Variants in PNLIP observed in about 807,000 individuals in gnomAD.
PNLIP encodes the protein pancreatic lipase.
PNLIP carries 49 observed loss-of-function variants against 57.1 expected under a neutral mutation model. The observed-to-expected ratio is 0.86, with a 90% confidence interval of 0.68 to 1.09. The LOEUF (loss-of-function observed/expected upper bound fraction) is 1.09. PNLIP is among the 50% of genes least tolerant of loss of function. PNLIP has a pLI of 0.00. For missense variants in PNLIP, 503 were observed against 570.2 expected (o/e 0.88, Z 1.20); for synonymous variants, 209 against 200.4 (o/e 1.04, Z -0.36).
chr10:116,548,849 T>C (rs1325476675), intron 4 of PNLIP, among the ~76,000 whole-genome samples: 1 of 152,266 alleles, frequency 6.6e-6, no homozygotes, highest in Admixed American at 6.5e-5. Context: ...GGTCTCATTT[T>C]GCCTGAATGA....
At chr10:116,554,625 C>A (rs1423641731) in intron 6 of PNLIP, among the ~76,000 whole-genome samples, 2 of 152,160 alleles carry the variant, frequency 1.3e-5, no homozygotes, top group African/African-American at 4.8e-5. Flanking sequence ...TGTGTTCAAC[C>A]TTTTTGTCTC....
rs777793881 is a variant in PNLIP, at chr10:116,556,005, C to T, written c.817C>T (p.Arg273Ter). 16 of 1,600,820 alleles carry T rather than the reference C, an allele frequency of 1.0e-5. No homozygotes were observed. Among genetic ancestry groups the T allele is most frequent in the South Asian group, 3.3e-5 (3 of 90,644 alleles). ...VDIDGIWEGT[R>*]DFAACNHLRS... ...TAATTGTGTCTGATTCAAAGGGACT[C>T]GAGACTTTGCGGCCTGTAATCACTT... The change falls in exon 9 of 13, where the codon CGA (arginine) becomes TGA (stop). Residue 273 changes from arginine (R) to a stop codon, truncating the protein, a stop_gained. Transcript: ENST00000369221. LOFTEE classifies it high-confidence loss of function.
chr10:116,567,703 G>C (rs763271131), intron 12 of PNLIP, 32 bp from the exon 13 acceptor site: 1 of 1,579,594 alleles, frequency 6.3e-7, no homozygotes, highest in African/African-American at 1.3e-5. Flanking sequence ...GCCAGGAAGA[G>C]GAGGTGACTT....
intron 12 of PNLIP, among the ~76,000 whole-genome samples, chr10:116,562,182 A>G (rs1327689598): frequency 6.6e-6 from 1 of 152,136 alleles, no homozygotes; most frequent in African/African-American, 2.4e-5. Flanking sequence ...CCAATACTAG[A>G]CCAAGTATTT....
At chr10:116,560,381 C>T (rs1305960705) in intron 10 of PNLIP, 35 bp from the exon 11 acceptor site, 16 of 1,130,146 alleles carry the variant, frequency 1.4e-5, no homozygotes, top group Non-Finnish European at 2.0e-5. Context: ...TCTTTTATCT[C>T]CAAACTGACA....
intron 12 of PNLIP, among the ~76,000 whole-genome samples, chr10:116,566,381 C>T (rs758783802): frequency 5.9e-5 from 9 of 152,030 alleles, no homozygotes; most frequent in African/African-American, 1.2e-4. Context: ...ACAGCAGAGC[C>T]GTGGTTGCCT....
intron 9 of PNLIP, among the ~76,000 whole-genome samples, chr10:116,557,004 G>A (rs1383927423): frequency 2.0e-5 from 3 of 152,062 alleles, no homozygotes; most frequent in Admixed American, 1.3e-4. Context: ...TTGGTGAGAG[G>A]ACTTAATGAG....
At chr10:116,562,328 G>A (rs913125146) in intron 12 of PNLIP, among the ~76,000 whole-genome samples, 3 of 152,216 alleles carry the variant, frequency 2.0e-5, no homozygotes, top group African/African-American at 7.2e-5. Context: ...TGGCCTGACT[G>A]AAATAACCAA....
At chr10:116,565,432 C>T (rs1334996465) in intron 12 of PNLIP, among the ~76,000 whole-genome samples, 2 of 151,310 alleles carry the variant, frequency 1.3e-5, no homozygotes, top group Non-Finnish European at 2.9e-5. Flanking sequence ...AACTCAATAT[C>T]CAATTGTATT....
In PNLIP at chr10:116,567,735, G is replaced by T. The variant is rs1367027966; in HGVS notation, c.1335G>T (p.Gln445His). 6 of 1,613,498 alleles carry T rather than the reference G, an allele frequency of 3.7e-6. No homozygotes were observed. Among genetic ancestry groups the T allele is most frequent in the South Asian group, 1.1e-5 (1 of 91,064 alleles). Residue 445 changes from glutamine to histidine, a missense_variant and splice_region_variant, in exon 13 of 13, where the codon CAG becomes CAT. By Grantham distance (24) the Gln-to-His change is conservative. Transcript: ENST00000369221. ...KIIVETNVGKQFNFCSPETVR... is the reference protein window; with the variant it reads ...KIIVETNVGKHFNFCSPETVR... ...ACTTTGTGTTGTTTTTTCTCCACAG[G>T]TTCAACTTCTGTAGTCCAGAAACCG...
chr10:116,551,701 C>T (rs562652761), intron 5 of PNLIP, among the ~76,000 whole-genome samples: 1 of 152,300 alleles, frequency 6.6e-6, no homozygotes, highest in East Asian at 1.9e-4. Flanking sequence ...GCTTCATCAT[C>T]TCTGGATAAC....
chr10:116,567,662 G>A (rs1847383960), intron 12 of PNLIP, 73 bp from the exon 13 acceptor site: 2 of 1,274,688 alleles, frequency 1.6e-6, no homozygotes, highest in South Asian at 1.2e-5. Flanking sequence ...TGGGGGCATA[G>A]ATTGTCCTCA....
intron 9 of PNLIP, among the ~76,000 whole-genome samples, chr10:116,556,377 C>T (rs956720299): frequency 7.2e-5 from 11 of 151,986 alleles, no homozygotes; most frequent in African/African-American, 2.7e-4. Flanking sequence ...TAGAAATAAC[C>T]CTAAACAGAC....
intron 6 of PNLIP, 73 bp downstream of exon 6, chr10:116,553,911 A>C (rs1847222880): frequency 1.2e-6 from 1 of 810,018 alleles, no homozygotes; most frequent in Admixed American, 2.4e-5. Context: ...GTTTGAGGCC[A>C]ATCTGGGCAA....
chr10:116,546,375 T>C (rs1180862179), intron 2 of PNLIP, among the ~76,000 whole-genome samples: 1 of 152,194 alleles, frequency 6.6e-6, no homozygotes, highest in Non-Finnish European at 1.5e-5. Flanking sequence ...ACAACAAATA[T>C]GTGACATATC....
intron 6 of PNLIP, 106 bp from the exon 7 acceptor site, chr10:116,555,072 G>T: frequency 7.7e-7 from 1 of 1,296,752 alleles, no homozygotes; most frequent in Non-Finnish European, 1.1e-6. Context: ...CAAATGGTCA[G>T]GTAAGGAAGA....
chr10:116,562,191 T>C (rs1193464936), intron 12 of PNLIP, among the ~76,000 whole-genome samples: 1 of 152,134 alleles, frequency 6.6e-6, no homozygotes, highest in African/African-American at 2.4e-5. Context: ...GACCAAGTAT[T>C]TCTGAGTATT....
At chr10:116,554,556 C>T (rs1410433084) in intron 6 of PNLIP, among the ~76,000 whole-genome samples, 1 of 152,154 alleles carries the variant, frequency 6.6e-6, no homozygotes, top group African/African-American at 2.4e-5. Context: ...AAGAAAGATG[C>T]TACCATCCTG....
chr10:116,547,258 T>C (rs1418775125), intron 2 of PNLIP, 36 bp from the exon 3 acceptor site: 1 of 1,606,122 alleles, frequency 6.2e-7, no homozygotes, highest in South Asian at 1.1e-5. Context: ...AAAAAGAGCA[T>C]GTTTGTAAAA....
Sources: allele counts gnomAD v4.1 joint callset (sites outside exome capture counted in the v4.1 genomes callset), GRCh38; gene constraint gnomAD v4.1.1; transcripts MANE v1.5; gene names NCBI Gene and HGNC (gene_info 2026-07-23, HGNC 2026-07-21).